Variants in MTCL1 observed in about 807,000 individuals in gnomAD.
MTCL1 encodes the protein microtubule cross-linking factor 1.
Under a neutral mutation model 141.4 loss-of-function variants are expected in MTCL1, and 79 were observed. That is an observed-to-expected ratio of 0.56 (90% CI 0.47 to 0.67). The LOEUF (loss-of-function observed/expected upper bound fraction) is 0.67, where lower values mean the gene tolerates loss of function less well. Ranked by LOEUF, MTCL1 falls within the 30% of genes least tolerant of loss-of-function variation. The pLI, the probability that MTCL1 is intolerant of heterozygous loss-of-function variation, is 0.00. For synonymous variants in MTCL1, 914 were observed against 875.8 expected, an observed-to-expected ratio of 1.04 and a Z score of -0.77; for missense variants, 2,177 against 2,113.9, an observed-to-expected ratio of 1.03 and a Z score of -0.59.
chr18:8,815,989 A>T (rs1012394455), intron 12 of MTCL1, among the ~76,000 whole-genome samples: 1 of 152,224 alleles, frequency 6.6e-6, no homozygotes, highest in Non-Finnish European at 1.5e-5. Flanking sequence ...TCAAAAATAA[A>T]TCTGGCCTTT....
At chr18:8,728,761 C>T (rs55913318) in intron 4 of MTCL1, among the ~76,000 whole-genome samples, 27,441 of 82,922 alleles carry the variant, frequency 0.33, 3,963 homozygotes, top group Admixed American at 0.48. Context: ...GACGGAGTCT[C>T]GCTCTGTCGC....
At chr18:8,715,090 C>T (rs1190935860), upstream of MTCL1, among the ~76,000 whole-genome samples, 2 of 152,192 alleles carry the variant, frequency 1.3e-5, no homozygotes, top group South Asian at 2.1e-4. Context: ...GCCACCGCAC[C>T]CGGCCCCTAA....
chr18:8,712,020 A>G (rs1298730020), intron 1 of MTCL1, among the ~76,000 whole-genome samples: 1 of 152,118 alleles, frequency 6.6e-6, no homozygotes, highest in East Asian at 1.9e-4. Context: ...GGAGGATTTA[A>G]TCAGTTGGCA....
intron 7 of MTCL1, chr18:8,789,639 G>C: frequency 1.0e-6 from 1 of 985,432 alleles, no homozygotes; most frequent in Non-Finnish European, 1.2e-6. Context: ...AGCAGCCTCG[G>C]AAACAAGTGA....
chr18:8,719,549 T>C (rs528773802), intron 3 of MTCL1, among the ~76,000 whole-genome samples: 8 of 152,332 alleles, frequency 5.3e-5, no homozygotes, highest in South Asian at 2.1e-4. Flanking sequence ...GAACATCTTA[T>C]GCATAGAGAA....
intron 6 of MTCL1, among the ~76,000 whole-genome samples, chr18:8,785,195 A>G (rs1598647071): frequency 6.6e-6 from 1 of 151,756 alleles, no homozygotes; most frequent in Non-Finnish European, 1.5e-5. Context: ...TGGTATCTCA[A>G]CCAACCAGCC....
exon 8 of MTCL1, chr18:8,793,076 C>G: frequency 6.2e-7 from 1 of 1,614,188 alleles, no homozygotes; most frequent in South Asian, 1.1e-5. Flanking sequence ...GGCGGCCAGA[C>G]TGCATCAAGA....
rs1049856860 is a variant in MTCL1, at chr18:8,737,227, C to T, written c.357+16731C>T. ...TTCATCTTCAAAGCAACAAACCAAA[C>T]TAAGAGAGTAGCTGATGTTCATGAT... On this transcript the variant is annotated intron_variant, in intron 4 of 16. Coordinates refer to ENST00000359865, the Ensembl canonical transcript of MTCL1. 1.4e-4 allele frequency among the ~76,000 whole-genome samples: 21 copies of T among 152,340 alleles called. No homozygotes were observed. The Middle Eastern group carries it at 0.01, about 74-fold the overall frequency.
chr18:8,773,984 T>C (rs1271550698), intron 4 of MTCL1, among the ~76,000 whole-genome samples: 1 of 152,252 alleles, frequency 6.6e-6, no homozygotes, highest in Non-Finnish European at 1.5e-5. Flanking sequence ...TTTCACCAAT[T>C]TATTTTTCTA....
chr18:8,776,825 G>A (rs1257229755), intron 4 of MTCL1, among the ~76,000 whole-genome samples: 1 of 151,978 alleles, frequency 6.6e-6, no homozygotes, highest in African/African-American at 2.4e-5. Context: ...CTATAGGCCT[G>A]ATCATAGCTC....
intron 4 of MTCL1, among the ~76,000 whole-genome samples, chr18:8,773,552 A>G (rs2096493268): frequency 6.6e-6 from 1 of 152,132 alleles, no homozygotes; most frequent in Non-Finnish European, 1.5e-5. Flanking sequence ...ATTCTTTTTA[A>G]AAGTTAAAAA....
intron 4 of MTCL1, among the ~76,000 whole-genome samples, chr18:8,761,084 A>G (rs1429526340): frequency 1.3e-5 from 2 of 152,236 alleles, no homozygotes; most frequent in Non-Finnish European, 2.9e-5. Context: ...CTGCCCTCAC[A>G]AAATTTATAA....
chr18:8,718,291 G>C (rs2148801438), intron 2 of MTCL1, 133 bp from the exon 2 acceptor site: 1 of 825,502 alleles, frequency 1.2e-6, no homozygotes, highest in African/African-American at 1.7e-5. Flanking sequence ...CTGTCACCCA[G>C]GCGTGGCCAT....
rs758731486 is a variant in MTCL1 at position 8,720,331 on chromosome 18, G to A, written c.199-7G>A. The A allele has an allele frequency of 2.1e-5, 34 of 1,613,836 alleles. 1 individual carries two copies. The highest frequency in any genetic ancestry group is 7.7e-5 in the South Asian group (7 of 91,070). ...ATCCTGATAATGATCTCTGTGGGTCGATGCAGGTAGCCAAAGATGTATCTG... is the reference window on the plus strand; with the variant it reads ...ATCCTGATAATGATCTCTGTGGGTCAATGCAGGTAGCCAAAGATGTATCTG... On this transcript the variant is annotated splice_region_variant and splice_polypyrimidine_tract_variant and intron_variant, in intron 3 of 16. Coordinates refer to ENST00000359865, the Ensembl canonical transcript of MTCL1.
intron 13 of MTCL1, 112 bp downstream of exon 12, chr18:8,819,371 T>A: frequency 9.3e-7 from 1 of 1,072,716 alleles, no homozygotes. Flanking sequence ...CACTTTTGCA[T>A]ACAGCAACCT....
At chr18:8,711,512 TA>T (rs1342156303) in intron 1 of MTCL1, among the ~76,000 whole-genome samples, 2 of 142,634 alleles carry the variant, frequency 1.4e-5, no homozygotes, top group African/African-American at 5.2e-5. Flanking sequence ...ACCAACAGTG[TA>T]AAAGTGTTCC....
At chr18:8,803,395 G>T (rs556387575) in intron 10 of MTCL1, among the ~76,000 whole-genome samples, 3 of 152,092 alleles carry the variant, frequency 2.0e-5, no homozygotes, top group Non-Finnish European at 4.4e-5. Context: ...TATATATAAG[G>T]TCATGTTGGC....
intron 4 of MTCL1, among the ~76,000 whole-genome samples, chr18:8,756,217 T>C (rs2096396829): frequency 6.6e-6 from 1 of 152,040 alleles, no homozygotes; most frequent in African/African-American, 2.4e-5. Flanking sequence ...TTTCTGGAGG[T>C]CGTCAGACCA....
At chr18:8,771,731 G>A (rs1001743999) in intron 4 of MTCL1, among the ~76,000 whole-genome samples, 7 of 152,148 alleles carry the variant, frequency 4.6e-5, no homozygotes, top group Non-Finnish European at 8.8e-5. Flanking sequence ...ACTCAGCAAG[G>A]CATCAGCTTT....
Sources: gnomAD v4.1 joint callset for allele counts (sites outside exome capture counted in the v4.1 genomes callset) on GRCh38, gnomAD v4.1.1 for gene constraint, MANE v1.5 for transcripts, NCBI Gene and HGNC (gene_info 2026-07-23, HGNC 2026-07-21) for gene names.